Variants in RORA observed in about 807,000 individuals in gnomAD.
RORA encodes the protein RAR related orphan receptor A.
In RORA, 7 loss-of-function variants were observed where a neutral mutation model predicts 69.5. The ratio of observed to expected loss-of-function variants is 0.10; its 90% CI spans 0.06 to 0.19. The LOEUF is 0.19. Ranked by LOEUF, RORA falls within the 10% of genes least tolerant of loss-of-function variation. RORA has a pLI of 1.00. For missense variants in RORA, 457 were observed against 663.0 expected, an observed-to-expected ratio of 0.69 and a Z score of 3.41; for synonymous variants, 261 against 240.8, an observed-to-expected ratio of 1.08 and a Z score of -0.78.
At chr15:61,067,815 CCTACATAAAAGATA>C (rs2078286291) in intron 1 of RORA, among the ~76,000 whole-genome samples, 5 of 152,202 alleles carry the variant, frequency 3.3e-5, no homozygotes, top group Admixed American at 3.3e-4. Flanking sequence ...TTCTCAGCTT[CCTACATAAAAGATA>C]CTAAATGCGT....
chr15:60,900,863 C>A (rs569895818), intron 1 of RORA, among the ~76,000 whole-genome samples: 1 of 151,850 alleles, frequency 6.6e-6, no homozygotes, highest in South Asian at 2.1e-4. Context: ...CAGAGGAAGA[C>A]TCCATCTCAA....
intron 1 of RORA, among the ~76,000 whole-genome samples, chr15:60,695,799 T>C (rs1308684736): frequency 6.6e-6 from 1 of 151,954 alleles, no homozygotes; most frequent in African/African-American, 2.4e-5. Context: ...CTCGAGAAAG[T>C]ACACGGAGGA....
intron 2 of RORA, among the ~76,000 whole-genome samples, chr15:60,579,296 G>GCC (rs2068122846): frequency 6.6e-6 from 1 of 152,116 alleles, no homozygotes; most frequent in Non-Finnish European, 1.5e-5. Flanking sequence ...GGGCCTTGGG[G>GCC]CCCCGCAGGG....
rs553225232 is a variant in RORA, at chr15:61,206,631, T to G, written c.166+22422A>C. The stretch of plus-strand genomic sequence containing the variant: ...CAAGATATGGCATTTTTTTCCTATT[T>G]CCTTCCCGATGGAGAGAAGAAAAAT... On this transcript the variant is annotated intron_variant, in intron 1 of 10. Transcript: ENST00000335670. Among the ~76,000 whole-genome samples, 135 of 152,308 alleles carry G rather than the reference T, an allele frequency of 8.9e-4. 1 individual carries two copies. Among genetic ancestry groups the G allele is most frequent in the African/African-American group, 3.0e-3 (125 of 41,548 alleles).
At chr15:61,033,390 A>T (rs1896275823) in intron 1 of RORA, among the ~76,000 whole-genome samples, 1 of 124,712 alleles carries the variant, frequency 8.0e-6, no homozygotes, top group Non-Finnish European at 1.7e-5. Context: ...AAGAGCCCCA[A>T]ATTTATAGCT....
chr15:61,057,440 G>C (rs560153507), intron 1 of RORA, among the ~76,000 whole-genome samples: 54 of 152,294 alleles, frequency 3.5e-4, no homozygotes, highest in Middle Eastern at 6.8e-3. Context: ...TAGAATTTCT[G>C]CTGGGAAGGC....
At chr15:61,103,641 G>A (rs1229831721) in intron 1 of RORA, among the ~76,000 whole-genome samples, 9 of 152,170 alleles carry the variant, frequency 5.9e-5, no homozygotes, top group Non-Finnish European at 1.0e-4. Flanking sequence ...CAAAGTCAGA[G>A]TGTGCACACG....
At chr15:61,015,145 C>A (rs750149156) in intron 1 of RORA, among the ~76,000 whole-genome samples, 2 of 152,178 alleles carry the variant, frequency 1.3e-5, no homozygotes, top group Non-Finnish European at 2.9e-5. Context: ...GTTGCACATT[C>A]TATCTCTAAA....
rs2065115479 is a variant in RORA, at chr15:60,494,316, G to A, written c.*3139C>T. ...CATTTGGACACCATTGGAACAGAAG[G>A]TATTCAGGCTTTGTACAAAAGCCTT... On this transcript the variant is annotated 3_prime_UTR_variant, in exon 11 of 11. Transcript: ENST00000335670. 6.6e-6 allele frequency: 1 copy of A among 152,140 alleles called. No homozygotes were observed. The highest frequency in any genetic ancestry group is 1.5e-5 in the Non-Finnish European group (1 of 68,036). The allele number at this position is 152,140 out of a possible 1,614,324, so 9.4% of individuals were successfully genotyped here. A position where few individuals can be genotyped will look rare whatever the true frequency, so the allele number is the denominator to read the frequency against.
At chr15:60,854,480 A>G (rs561567268) in intron 1 of RORA, among the ~76,000 whole-genome samples, 146 of 152,314 alleles carry the variant, frequency 9.6e-4, no homozygotes, top group Non-Finnish European at 2.2e-4. Flanking sequence ...GATGATAAAC[A>G]GAATCTGCAA....
At chr15:60,810,211 C>T (rs341419) in intron 1 of RORA, among the ~76,000 whole-genome samples, 32,046 of 152,082 alleles carry the variant, frequency 0.21, 3,596 homozygotes, top group East Asian at 0.28. Flanking sequence ...TCTAACCTCA[C>T]ATTAATTAAT....
chr15:61,163,108 T>A (rs1391257807), intron 1 of RORA, among the ~76,000 whole-genome samples: 1 of 152,204 alleles, frequency 6.6e-6, no homozygotes. Flanking sequence ...TCCATCTATT[T>A]TAGTGGGGTT....
intron 1 of RORA, among the ~76,000 whole-genome samples, chr15:61,091,423 C>T (rs1022877200): frequency 3.3e-5 from 5 of 152,200 alleles, no homozygotes; most frequent in African/African-American, 9.7e-5. Flanking sequence ...GCTGTACTCC[C>T]TCCGCCACTG....
rs141874953 is a variant in RORA, at chr15:60,778,931, C to T, written c.167-100245G>A. ...CCTTTGAGTTTCAGGTTTAGACACA[C>T]CCCAGAACTCAAAGTAAAAATGATA... On this transcript the variant is annotated intron_variant, in intron 1 of 10. Transcript: ENST00000335670. Among the ~76,000 whole-genome samples, 71 of 152,190 alleles carry T rather than the reference C, an allele frequency of 4.7e-4. 1 individual carries two copies. The East Asian group carries it at 0.014, about 29-fold the overall frequency.
At chr15:61,024,107 G>C (rs550897370) in intron 1 of RORA, among the ~76,000 whole-genome samples, 1 of 152,126 alleles carries the variant, frequency 6.6e-6, no homozygotes, top group East Asian at 1.9e-4. Flanking sequence ...AACACCAAGA[G>C]AGAGAGGTAG....
chr15:60,839,393 T>C (rs903482271), intron 1 of RORA, among the ~76,000 whole-genome samples: 1 of 152,146 alleles, frequency 6.6e-6, no homozygotes, highest in Non-Finnish European at 1.5e-5. Flanking sequence ...ACTTAATTTA[T>C]CAAACCACAC....
chr15:60,572,192 C>A (rs1218918409), intron 2 of RORA, among the ~76,000 whole-genome samples: 1 of 152,170 alleles, frequency 6.6e-6, no homozygotes, highest in Non-Finnish European at 1.5e-5. Context: ...ATGTAGAAAG[C>A]AGGTCAGTGA....
At chr15:60,868,839 A>C (rs2073520517) in intron 1 of RORA, among the ~76,000 whole-genome samples, 1 of 152,202 alleles carries the variant, frequency 6.6e-6, no homozygotes, top group South Asian at 2.1e-4. Context: ...AAAATTGAGA[A>C]AATGTCTGAG....
chr15:61,052,535 G>A (rs2078029173), intron 1 of RORA, among the ~76,000 whole-genome samples: 1 of 152,200 alleles, frequency 6.6e-6, no homozygotes, highest in African/African-American at 2.4e-5. Context: ...GAGAGAAATG[G>A]AGGATGAATG....
Sources: allele counts gnomAD v4.1 joint callset (sites outside exome capture counted in the v4.1 genomes callset), GRCh38; gene constraint gnomAD v4.1.1; transcripts MANE v1.5; gene names NCBI Gene and HGNC (gene_info 2026-07-23, HGNC 2026-07-21).